Variants in SRSF7 observed in about 807,000 individuals in gnomAD.
The protein encoded by SRSF7 is serine and arginine rich splicing factor 7.
In SRSF7, 15 loss-of-function variants were observed where a neutral mutation model predicts 42.2. The ratio of observed to expected loss-of-function variants is 0.36; its 90% confidence interval spans 0.24 to 0.55. The LOEUF (loss-of-function observed/expected upper bound fraction) is 0.55, where lower values mean the gene tolerates loss of function less well. Among genes scored for constraint, SRSF7 ranks in the 20% least tolerant of loss-of-function variants. The pLI, the probability that SRSF7 is intolerant of heterozygous loss-of-function variation, is 0.88. For missense variants in SRSF7, 181 were observed against 305.9 expected (o/e 0.59, Z 3.04); for synonymous variants, 138 against 107.9 (o/e 1.28, Z -1.73).
At position 38,744,886 on chromosome 2, in the gene SRSF7, T is replaced by C; in HGVS notation, c.*247A>G. On this transcript the variant is annotated 3_prime_UTR_variant, in exon 8 of 8. Coordinates refer to ENST00000313117, the MANE Select transcript of SRSF7 (RefSeq NM_001031684.3). ...AAGAAGTGTTAATATTGAACACAAA[T>C]CAAAAATCTAGTTAGAAACATTTTA... 2 of 447,356 alleles carry C rather than the reference T, an allele frequency of 4.5e-6. No individual in the cohort carries two copies. The highest frequency in any genetic ancestry group is 8.0e-6 in the Non-Finnish European group (2 of 251,558). 27.7% of individuals were successfully genotyped at this position (447,356 alleles called of 1,614,324 possible).
intron 3 of SRSF7, chr2:38,748,865 T>C: frequency 6.5e-6 from 9 of 1,380,312 alleles, no homozygotes; most frequent in African/African-American, 1.5e-5. Flanking sequence ...CATTACATAA[T>C]ATAAAACACT....
intron 5 of SRSF7, chr2:38,747,016 C>A: frequency 1.6e-6 from 1 of 613,708 alleles, no homozygotes; most frequent in Non-Finnish European, 3.1e-6. Flanking sequence ...AAGGGAAATA[C>A]ATGGTTTTCA....
chr2:38,746,581 C>A, intron 6 of SRSF7, 113 bp downstream of exon 6: 1 of 1,508,326 alleles, frequency 6.6e-7, no homozygotes, highest in Non-Finnish European at 9.0e-7. Context: ...TGTGTTCCCA[C>A]TAAAACCTAA....
Position 38,744,222 on chromosome 2 carries a change from C to T in SRSF7, c.*911G>A. On this transcript the variant is annotated 3_prime_UTR_variant, in exon 8 of 8. Transcript: ENST00000313117. Reference sequence around the variant, plus strand: ...CTGCAAAACCTAGCTTGAAGATTAACAACAGGTCTTTGCTCAGAATAAGAC... The same window carrying T: ...CTGCAAAACCTAGCTTGAAGATTAATAACAGGTCTTTGCTCAGAATAAGAC... The T allele has an allele frequency of 2.0e-5, 3 of 151,660 alleles. No homozygotes were observed. The highest frequency in any genetic ancestry group is 7.4e-5 in the African/African-American group (3 of 40,568). The allele number at this position is 151,660 out of a possible 1,614,324, so 9.4% of individuals were successfully genotyped here.
At chr2:38,746,941 G>T in intron 5 of SRSF7, 194 bp from the exon 6 acceptor site, 1 of 881,018 alleles carries the variant, frequency 1.1e-6, no homozygotes, top group Non-Finnish European at 1.8e-6. Context: ...TCAATTACTT[G>T]TTTCTATCAC....
At chr2:38,749,038 G>A in intron 3 of SRSF7, 1 of 1,305,410 alleles carries the variant, frequency 7.7e-7, no homozygotes, top group Admixed American at 2.3e-5. Flanking sequence ...TGAGCCAGGT[G>A]AGGCTTGATT....
At position 38,751,266 on chromosome 2, in the gene SRSF7, C is replaced by T; in HGVS notation, c.-10G>A. The T allele has an allele frequency of 4.3e-6, 7 of 1,614,196 alleles. No individual in the cohort carries two copies. In the East Asian group the frequency reaches 6.7e-5, roughly 15 times the overall value. ...GCCCGTAACGCGACATGATGACAGACCCGCGTGCTCGGCTCTTTAGCAAGC... is the reference window on the plus strand; with the variant it reads ...GCCCGTAACGCGACATGATGACAGATCCGCGTGCTCGGCTCTTTAGCAAGC... On this transcript the variant is annotated 5_prime_UTR_variant, in exon 1 of 8. Coordinates refer to ENST00000313117, the MANE Select transcript of SRSF7 (RefSeq NM_001031684.3).
chr2:38,745,118 G>A lies in SRSF7; in HGVS notation c.*15C>T. ...AAACAAAATAACTTTTCCCTAAAGG[G>A]TGAACTTGAGAGCTTCAGTCCATTC... On this transcript the variant is annotated 3_prime_UTR_variant, in exon 8 of 8. Coordinates refer to ENST00000313117, the MANE Select transcript of SRSF7 (RefSeq NM_001031684.3). 2 of 1,613,680 alleles carry A rather than the reference G, an allele frequency of 1.2e-6. No individual in the cohort carries two copies. Among genetic ancestry groups the A allele is most frequent in the Middle Eastern group, 1.6e-4 (1 of 6,062 alleles).
chr2:38,751,119 C>T (rs1456634706), intron 1 of SRSF7, 110 bp downstream of exon 1: 5 of 1,455,152 alleles, frequency 3.4e-6, no homozygotes, highest in Non-Finnish European at 4.8e-6. Context: ...GCTCCTAAGC[C>T]GCCATTACGC....
At chr2:38,749,408 T>C (rs1667948064) in intron 3 of SRSF7, 121 bp downstream of exon 3, 1 of 1,568,760 alleles carries the variant, frequency 6.4e-7, no homozygotes, top group Non-Finnish European at 8.6e-7. Context: ...AAACAAAAAT[T>C]GTAAAATACA....
chr2:38,744,800 A>T lies in SRSF7; in HGVS notation c.*333T>A. 8.7e-6 allele frequency: 2 copies of T among 230,028 alleles called. No individual in the cohort carries two copies. Among genetic ancestry groups the T allele is most frequent in the Non-Finnish European group, 1.7e-5 (2 of 117,816 alleles). 14.2% of individuals were successfully genotyped at this position (230,028 alleles called of 1,614,324 possible). Reference sequence around the variant, plus strand: ...CTTAACCAACACCTTTCAATTCTGAATGTAGGTATGTATGAATAAGGTTAA... The same window carrying T: ...CTTAACCAACACCTTTCAATTCTGATTGTAGGTATGTATGAATAAGGTTAA... On this transcript the variant is annotated 3_prime_UTR_variant, in exon 8 of 8. Coordinates refer to ENST00000313117, the MANE Select transcript of SRSF7 (RefSeq NM_001031684.3).
Position 38,748,673 on chromosome 2 carries a change from A to G in SRSF7, c.387-20T>C. 6.2e-7 allele frequency: 1 copy of G among 1,612,104 alleles called. No individual in the cohort carries two copies. The highest frequency in any genetic ancestry group is 8.5e-7 in the Non-Finnish European group (1 of 1,178,236). Reference sequence around the variant, plus strand: ...CGTGACCTATTTTTCAAGTTAGAGAAAAAACAAAATGTCAGACAATAACTC... The same window carrying G: ...CGTGACCTATTTTTCAAGTTAGAGAGAAAACAAAATGTCAGACAATAACTC... On this transcript the variant is annotated intron_variant, in intron 3 of 7. Coordinates refer to ENST00000313117, the MANE Select transcript of SRSF7 (RefSeq NM_001031684.3).
At position 38,743,617 on chromosome 2, in the gene SRSF7, CAG is replaced by C. The variant is rs1395660787; in HGVS notation, c.*1514_*1515del. ...ATCAGGATTATTTGTTCAATCTCTG[CAG>C]ATTTATTGTTGAGTAAACTTATCTT... is the stretch of plus-strand genomic sequence containing the variant. On this transcript the variant is annotated 3_prime_UTR_variant, in exon 8 of 8. Transcript: ENST00000313117. 3.9e-5 allele frequency: 6 copies of C among 152,768 alleles called. No homozygotes were observed. In the East Asian group the frequency reaches 1.2e-3, roughly 29 times the overall value. The allele number at this position is 152,768 out of a possible 1,614,324, so 9.5% of individuals were successfully genotyped here.
upstream of SRSF7, chr2:38,751,423 C>T (rs991438983): frequency 3.5e-6 from 3 of 860,994 alleles, no homozygotes; most frequent in Admixed American, 4.4e-5. Context: ...TGCGTCATCT[C>T]GTTGTTCTGC....
In SRSF7 at chr2:38,751,333, T is replaced by A; in HGVS notation, c.-77A>T. 5.0e-6 allele frequency: 8 copies of A among 1,598,350 alleles called. No homozygotes were observed. The South Asian group carries it at 7.7e-5, about 15-fold the overall frequency. The stretch of plus-strand genomic sequence containing the variant: ...GTGACGCAAAAGCTGACACACACCT[T>A]CACCCGCCAAGAGTCCCGGCGGCAC... On this transcript the variant is annotated 5_prime_UTR_variant, in exon 1 of 8. Coordinates refer to ENST00000313117, the MANE Select transcript of SRSF7 (RefSeq NM_001031684.3).
Position 38,743,917 on chromosome 2 carries a change from A to G in SRSF7, c.*1216T>C. 150 of 149,554 alleles carry G rather than the reference A, an allele frequency of 1.0e-3. No individual in the cohort carries two copies. Among genetic ancestry groups the G allele is most frequent in the African/African-American group, 3.5e-3 (142 of 40,406 alleles). The allele number at this position is 149,554 out of a possible 1,614,324, so 9.3% of individuals were successfully genotyped here. ...CAGCAGGTTTTTTTTTTTTTGTACC[A>G]AGGCTAGAGAATGCCTGGTAAAAGC... is the stretch of plus-strand genomic sequence containing the variant. On this transcript the variant is annotated 3_prime_UTR_variant, in exon 8 of 8. Coordinates refer to ENST00000313117, the MANE Select transcript of SRSF7 (RefSeq NM_001031684.3).
Position 38,745,084 on chromosome 2 carries a change from T to C in SRSF7, c.*49A>G. 1.3e-6 allele frequency: 2 copies of C among 1,588,576 alleles called. No homozygotes were observed. Among genetic ancestry groups the C allele is most frequent in the Non-Finnish European group, 8.6e-7 (1 of 1,157,834 alleles). The stretch of plus-strand genomic sequence containing the variant: ...CTTTACAGACATCACAAATCCCTTA[T>C]AATAATGTAAACAAAATAACTTTTC... On this transcript the variant is annotated 3_prime_UTR_variant, in exon 8 of 8. Transcript: ENST00000313117.
At position 38,743,961 on chromosome 2, in the gene SRSF7, AAAGT is replaced by A; in HGVS notation, c.*1168_*1171del. The stretch of plus-strand genomic sequence containing the variant: ...TAAAAGCTTGACCAGAAAACTCTCA[AAAGT>A]AACTGTTACTGCCCTACTATTCTTA... On this transcript the variant is annotated 3_prime_UTR_variant, in exon 8 of 8. Transcript: ENST00000313117. 1 of 152,108 alleles carries A rather than the reference AAAGT, an allele frequency of 6.6e-6. No homozygotes were observed. Among genetic ancestry groups the A allele is most frequent in the Non-Finnish European group, 1.5e-5 (1 of 68,036 alleles). The allele number at this position is 152,108 out of a possible 1,614,324, so 9.4% of individuals were successfully genotyped here.
At chr2:38,749,140 C>G in intron 3 of SRSF7, 2 of 1,317,900 alleles carry the variant, frequency 1.5e-6, no homozygotes, top group Middle Eastern at 2.1e-4. Context: ...GCCAAATTTA[C>G]TGTTACGGCG....
Sources: gnomAD v4.1 joint callset for allele counts on GRCh38, gnomAD v4.1.1 for gene constraint, MANE v1.5 for transcripts, NCBI Gene and HGNC (gene_info 2026-07-23, HGNC 2026-07-21) for gene names.